Variants in ST6GALNAC3 observed in about 807,000 individuals in gnomAD.
The protein encoded by ST6GALNAC3 is alpha-N-acetylgalactosaminide alpha-2,6-sialyltransferase 3.
ST6GALNAC3 carries 25 observed loss-of-function variants against 32.7 expected under a neutral mutation model. That is an observed-to-expected ratio of 0.76 (90% CI 0.56 to 1.07). ST6GALNAC3 has a LOEUF of 1.07. ST6GALNAC3 is among the 50% of genes least tolerant of loss of function. The pLI, the probability that ST6GALNAC3 is intolerant of heterozygous loss-of-function variation, is 0.00. For synonymous variants in ST6GALNAC3, 129 were observed against 133.1 expected (o/e 0.97, Z 0.21); for missense variants, 355 against 382.4 (o/e 0.93, Z 0.60).
intron 3 of ST6GALNAC3, among the ~76,000 whole-genome samples, chr1:76,435,985 G>A (rs1039300547): frequency 6.6e-6 from 1 of 151,914 alleles, no homozygotes; most frequent in South Asian, 2.1e-4. Flanking sequence ...AGTACACACT[G>A]CACCCAATTT....
chr1:76,121,687 G>A (rs1397622245), intron 1 of ST6GALNAC3, among the ~76,000 whole-genome samples: 2 of 152,122 alleles, frequency 1.3e-5, no homozygotes, highest in Non-Finnish European at 2.9e-5. Flanking sequence ...CTGTACTCCA[G>A]CCTGGGCAAC....
intron 3 of ST6GALNAC3, 147 bp from the exon 4 acceptor site, chr1:76,627,305 C>T: frequency 3.3e-6 from 2 of 600,690 alleles, no homozygotes; most frequent in South Asian, 2.1e-5. Context: ...GCATCTTTGA[C>T]ATATTGTCAA....
chr1:76,291,422 C>T (rs1325423921), intron 1 of ST6GALNAC3, among the ~76,000 whole-genome samples: 1 of 152,184 alleles, frequency 6.6e-6, no homozygotes, highest in East Asian at 1.9e-4. Flanking sequence ...TTCAATGTGG[C>T]CTCGCTGCCC....
intron 3 of ST6GALNAC3, among the ~76,000 whole-genome samples, chr1:76,417,000 TA>T (rs1654689303): frequency 6.6e-6 from 1 of 152,166 alleles, no homozygotes. Context: ...GTATATCATT[TA>T]AATGTCTTAG....
Position 76,634,171 on chromosome 1 carries a change from G to T in ST6GALNAC3, c.*5365G>T, listed in dbSNP as rs1040988107. On this transcript the variant is annotated 3_prime_UTR_variant, in exon 5 of 5. Transcript: ENST00000328299. ...ACGCCTTGAAGACTTCAGAAAAATAGAAGCTCACTTCCTTCCATAAAGGTG... is the reference window on the plus strand; with the variant it reads ...ACGCCTTGAAGACTTCAGAAAAATATAAGCTCACTTCCTTCCATAAAGGTG... The T allele has an allele frequency of 1.0e-6, 1 of 984,134 alleles. No individual in the cohort carries two copies. The highest frequency in any genetic ancestry group is 1.2e-6 in the Non-Finnish European group (1 of 829,374). The allele number at this position is 984,134 out of a possible 1,614,324, so 61.0% of individuals were successfully genotyped here.
intron 2 of ST6GALNAC3, among the ~76,000 whole-genome samples, chr1:76,345,673 C>T (rs973065781): frequency 2.0e-5 from 3 of 152,006 alleles, no homozygotes; most frequent in African/African-American, 7.3e-5. Context: ...ATTTTGTCAT[C>T]CTATGCTCAA....
chr1:76,492,683 G>A (rs908285691), intron 3 of ST6GALNAC3, among the ~76,000 whole-genome samples: 8 of 152,142 alleles, frequency 5.3e-5, no homozygotes, highest in African/African-American at 1.2e-4. Context: ...GACAGCATAC[G>A]TACAAGCCCA....
chr1:76,513,100 A>T (rs1377820611), intron 3 of ST6GALNAC3, among the ~76,000 whole-genome samples: 1 of 151,924 alleles, frequency 6.6e-6, no homozygotes, highest in African/African-American at 2.4e-5. Flanking sequence ...CTCTTTGTTA[A>T]TTGTTTTTCT....
At chr1:76,516,685 C>T (rs1662192765) in intron 3 of ST6GALNAC3, among the ~76,000 whole-genome samples, 1 of 152,038 alleles carries the variant, frequency 6.6e-6, no homozygotes, top group Non-Finnish European at 1.5e-5. Context: ...CAAAAAGTTA[C>T]TGTCTTCTTA....
Position 76,632,253 on chromosome 1 carries a change from C to T in ST6GALNAC3, c.*3447C>T, listed in dbSNP as rs937245938. The T allele has an allele frequency of 3.3e-5, 5 of 151,836 alleles. No individual in the cohort carries two copies. Among genetic ancestry groups the T allele is most frequent in the Admixed American group, 2.0e-4 (3 of 15,238 alleles). 9.4% of individuals were successfully genotyped at this position (151,836 alleles called of 1,614,324 possible). A position where few individuals can be genotyped will look rare whatever the true frequency, so the allele number is the denominator to read the frequency against. ...TTAAATGGACTGATTGCTAAGAGTA[C>T]GTAAAATCATATTCAAAAGCTGGCC... is the stretch of plus-strand genomic sequence containing the variant. On this transcript the variant is annotated 3_prime_UTR_variant, in exon 5 of 5. Coordinates refer to ENST00000328299, the MANE Select transcript of ST6GALNAC3 (RefSeq NM_152996.4).
intron 3 of ST6GALNAC3, among the ~76,000 whole-genome samples, chr1:76,519,821 A>T (rs1409320373): frequency 1.3e-5 from 2 of 151,766 alleles, no homozygotes; most frequent in Non-Finnish European, 1.5e-5. Flanking sequence ...CTGCCCATTA[A>T]TTTTTTATAG....
chr1:76,192,638 A>G lies in ST6GALNAC3; in HGVS notation c.18+117754A>G, dbSNP rs560870462. Among the ~76,000 whole-genome samples the G allele has an allele frequency of 6.4e-4, 97 of 152,282 alleles. No individual in the cohort carries two copies. In the South Asian group the frequency reaches 0.012, roughly 18 times the overall value. ...GTAAGAAGATGTTTTGTTTCTGAGG[A>G]CAGCTGGTTAAAATGCACTGCCTTA... On this transcript the variant is annotated intron_variant, in intron 1 of 4. Coordinates refer to ENST00000328299, the MANE Select transcript of ST6GALNAC3 (RefSeq NM_152996.4).
chr1:76,630,336 G>A lies in ST6GALNAC3; in HGVS notation c.*1530G>A, dbSNP rs373183336. The A allele has an allele frequency of 4.5e-5, 44 of 985,102 alleles. No individual in the cohort carries two copies. The highest frequency in any genetic ancestry group is 2.6e-4 in the African/African-American group (15 of 57,282). The allele number at this position is 985,102 out of a possible 1,614,324, so 61.0% of individuals were successfully genotyped here. On this transcript the variant is annotated 3_prime_UTR_variant, in exon 5 of 5. Coordinates refer to ENST00000328299, the MANE Select transcript of ST6GALNAC3 (RefSeq NM_152996.4). ...TTTTTCTATATACGTATATATACACGTGTGGTTCTATTTAGGTGGGGAAAA... is the reference window on the plus strand; with the variant it reads ...TTTTTCTATATACGTATATATACACATGTGGTTCTATTTAGGTGGGGAAAA...
At chr1:76,094,877 C>T (rs923338354) in intron 1 of ST6GALNAC3, among the ~76,000 whole-genome samples, 1 of 151,504 alleles carries the variant, frequency 6.6e-6, no homozygotes, top group Admixed American at 6.6e-5. Flanking sequence ...CTCACCCCCA[C>T]CCCCCACCGT....
intron 3 of ST6GALNAC3, among the ~76,000 whole-genome samples, chr1:76,431,423 A>G (rs1655744586): frequency 6.6e-6 from 1 of 152,230 alleles, no homozygotes; most frequent in African/African-American, 2.4e-5. Context: ...AAAAAATAAA[A>G]TTCAAGACAA....
intron 3 of ST6GALNAC3, among the ~76,000 whole-genome samples, chr1:76,515,355 T>C (rs1662108576): frequency 6.6e-6 from 1 of 152,168 alleles, no homozygotes; most frequent in Non-Finnish European, 1.5e-5. Flanking sequence ...TGTTTGTTTA[T>C]TTTATCTTTA....
intron 1 of ST6GALNAC3, among the ~76,000 whole-genome samples, chr1:76,238,466 C>T (rs918627365): frequency 7.9e-5 from 12 of 152,152 alleles, no homozygotes; most frequent in African/African-American, 2.9e-4. Context: ...CATCCACAGA[C>T]ATTTGTTGAG....
intron 1 of ST6GALNAC3, among the ~76,000 whole-genome samples, chr1:76,183,851 A>AAT (rs71071991): frequency 0.49 from 58,452 of 118,590 alleles, 15,520 homozygotes; most frequent in East Asian, 0.84. Flanking sequence ...GTAGTGCATG[A>AAT]ATATATATAT....
intron 3 of ST6GALNAC3, among the ~76,000 whole-genome samples, chr1:76,550,600 T>G (rs1664562601): frequency 6.6e-6 from 1 of 152,114 alleles, no homozygotes; most frequent in African/African-American, 2.4e-5. Flanking sequence ...CCATGCTGCT[T>G]GAGTTTGAAT....
Sources: gnomAD v4.1 joint callset for allele counts (sites outside exome capture counted in the v4.1 genomes callset) on GRCh38, gnomAD v4.1.1 for gene constraint, MANE v1.5 for transcripts, NCBI Gene and HGNC (gene_info 2026-07-23, HGNC 2026-07-21) for gene names.